The following MAP3K9 variants were observed in gnomAD, a reference collection of about 807,000 sequenced individuals.
MAP3K9 encodes the protein mitogen-activated protein kinase kinase kinase 9.
A neutral mutation model predicts 95.8 loss-of-function variants in MAP3K9; 46 were observed. That is an observed-to-expected ratio of 0.48 (90% CI 0.38 to 0.61). The LOEUF (loss-of-function observed/expected upper bound fraction) is 0.61, where lower values mean the gene tolerates loss of function less well. MAP3K9 is among the 20% of genes least tolerant of loss of function. MAP3K9 has a pLI of 0.00. For synonymous variants in MAP3K9, 533 were observed against 593.8 expected (o/e 0.90, Z 1.49); for missense variants, 1,296 against 1,474.3 (o/e 0.88, Z 1.98).
At chr14:70,763,518 C>A (rs1322977781) in intron 2 of MAP3K9, among the ~76,000 whole-genome samples, 2 of 144,974 alleles carry the variant, frequency 1.4e-5, no homozygotes, top group Non-Finnish European at 3.0e-5. Flanking sequence ...GACTATGTTA[C>A]TGGTTTATGT....
At position 70,751,896 on chromosome 14, in the gene MAP3K9, A is replaced by G. The variant is rs187879490; in HGVS notation, c.1002-1815T>C. On this transcript the variant is annotated intron_variant, in intron 3 of 11. Transcript: ENST00000554752. Reference sequence around the variant, plus strand: ...TAGACATGTTTAGGAGCATATTACTAAGGGCATACACAGAGTACATCATGG... The same window carrying G: ...TAGACATGTTTAGGAGCATATTACTGAGGGCATACACAGAGTACATCATGG... Among the ~76,000 whole-genome samples the G allele has an allele frequency of 1.3e-4, 20 of 152,282 alleles. No individual in the cohort carries two copies. In the East Asian group the frequency reaches 3.7e-3, roughly 28 times the overall value.
At chr14:70,765,599 A>G (rs1810129820) in intron 2 of MAP3K9, 5 of 499,626 alleles carry the variant, frequency 1.0e-5, no homozygotes, top group African/African-American at 2.0e-5. Context: ...ATTGTCTACA[A>G]TATTCAGTAC....
At chr14:70,761,534 G>A (rs112025070) in intron 2 of MAP3K9, among the ~76,000 whole-genome samples, 1,921 of 152,236 alleles carry the variant, frequency 0.013, 49 homozygotes, top group African/African-American at 0.043. Context: ...AGGCCGAGAC[G>A]GGTGGATCAC....
chr14:70,736,068 G>A, intron 8 of MAP3K9, 39 bp from the exon 9 acceptor site: 1 of 1,387,436 alleles, frequency 7.2e-7, no homozygotes, highest in Non-Finnish European at 1.0e-6. Flanking sequence ...GGCAATGGAG[G>A]GCACATCCAG....
intron 2 of MAP3K9, among the ~76,000 whole-genome samples, chr14:70,798,097 A>G (rs961332165): frequency 5.3e-5 from 8 of 152,230 alleles, no homozygotes; most frequent in African/African-American, 1.7e-4. Flanking sequence ...TGTCTCCTGA[A>G]TAACAGAATG....
intron 3 of MAP3K9, 47 bp downstream of exon 3, chr14:70,760,952 GCCA>G: frequency 1.9e-6 from 3 of 1,580,642 alleles, no homozygotes; most frequent in Non-Finnish European, 2.6e-6. Flanking sequence ...AAATGTGTGT[GCCA>G]CCAAGATGGA....
chr14:70,752,285 G>A (rs142068449), intron 3 of MAP3K9, among the ~76,000 whole-genome samples: 2 of 152,264 alleles, frequency 1.3e-5, no homozygotes, highest in East Asian at 3.9e-4. Context: ...TAGCCTATAG[G>A]CTCCTAAAGA....
chr14:70,806,257 T>G (rs1202340206), intron 1 of MAP3K9, among the ~76,000 whole-genome samples: 1 of 152,220 alleles, frequency 6.6e-6, no homozygotes, highest in Non-Finnish European at 1.5e-5. Context: ...ACCAAGGCAC[T>G]GCACTGAAGT....
chr14:70,731,359 G>C (rs553433610), intron 11 of MAP3K9, among the ~76,000 whole-genome samples: 2 of 152,240 alleles, frequency 1.3e-5, no homozygotes, highest in East Asian at 3.9e-4. Context: ...TGAGGCAAGA[G>C]GATCACTTGA....
intron 2 of MAP3K9, among the ~76,000 whole-genome samples, chr14:70,778,889 T>C (rs113361018): frequency 0.024 from 3,581 of 152,262 alleles, 54 homozygotes; most frequent in Middle Eastern, 0.037. Flanking sequence ...CGTCCACCCA[T>C]CTTGTTTGAA....
chr14:70,730,335 C>T lies in MAP3K9; in HGVS notation c.*45G>A, dbSNP rs2139696107. The stretch of plus-strand genomic sequence containing the variant: ...AAGGGCTGTGCCCGCCAGCTCCCCT[C>T]ATCTCCGCTGGCTGTCCCCCTTGCC... On this transcript the variant is annotated 3_prime_UTR_variant, in exon 12 of 12. Transcript: ENST00000554752. 6.4e-7 allele frequency: 1 copy of T among 1,568,362 alleles called. No individual in the cohort carries two copies. The highest frequency in any genetic ancestry group is 8.7e-7 in the Non-Finnish European group (1 of 1,152,348).
In MAP3K9 at chr14:70,800,777, A is replaced by G; in HGVS notation, c.710T>C (p.Ile237Thr). Residue 237 changes from isoleucine to threonine, a missense_variant, in exon 2 of 12, where the codon ATT (isoleucine) becomes ACT (threonine). Around this residue, in one of 5 missense-constraint regions of MAP3K9, gnomAD observed 338 missense variants for 363.4 expected, o/e 0.93. Transcript: ENST00000554752. ...PLNRVLSGKR[I>T]PPDILVNWAV... is the part of the protein sequence containing the mutation. ...CCAATTCACCAGGATGTCTGGGGGA[A>G]TCCTTTTCCCAGATAACACTCTATT... 6.2e-7 allele frequency: 1 copy of G among 1,614,120 alleles called. No individual in the cohort carries two copies.
rs1198725349 is a variant in MAP3K9, at chr14:70,729,278, TGA to T, written c.*1100_*1101del. The stretch of plus-strand genomic sequence containing the variant: ...GGCATCACAACATGGATGGCCCAGT[TGA>T]GAGTGAATTCCCAAGTCCCAATGTC... On this transcript the variant is annotated 3_prime_UTR_variant, in exon 12 of 12. Coordinates refer to ENST00000554752, the MANE Select transcript of MAP3K9 (RefSeq NM_001284230.2). 1.3e-5 allele frequency: 2 copies of T among 152,244 alleles called. No individual in the cohort carries two copies. Among genetic ancestry groups the T allele is most frequent in the Non-Finnish European group, 2.9e-5 (2 of 68,066 alleles). The allele number at this position is 152,244 out of a possible 1,614,324, so 9.4% of individuals were successfully genotyped here.
At chr14:70,740,281 T>G in intron 6 of MAP3K9, 117 bp from the exon 7 acceptor site, 1 of 1,090,798 alleles carries the variant, frequency 9.2e-7, no homozygotes, top group Non-Finnish European at 1.3e-6. Flanking sequence ...CCTGAAAAGC[T>G]CTTTGTTCAC....
At chr14:70,774,180 G>A (rs1039629346) in intron 2 of MAP3K9, among the ~76,000 whole-genome samples, 3 of 152,138 alleles carry the variant, frequency 2.0e-5, no homozygotes, top group African/African-American at 7.2e-5. Flanking sequence ...TATGTATCAG[G>A]CACTGTGCTA....
Position 70,790,701 on chromosome 14 carries a change from A to C in MAP3K9, c.820+9966T>G, listed in dbSNP as rs150403818. 1.4e-4 allele frequency among the ~76,000 whole-genome samples: 21 copies of C among 152,244 alleles called. No homozygotes were observed. The East Asian group carries it at 3.3e-3, about 24-fold the overall frequency. On this transcript the variant is annotated intron_variant, in intron 2 of 11. Transcript: ENST00000554752. ...GTTCCCTGGCCCTATGTTAATCTTT[A>C]CATTATAAGAGGAACAAAGTGTGGT...
intron 2 of MAP3K9, among the ~76,000 whole-genome samples, chr14:70,782,351 A>T (rs1436879835): frequency 3.3e-5 from 5 of 152,204 alleles, no homozygotes; most frequent in African/African-American, 1.2e-4. Context: ...TCGGTTGAGA[A>T]TCATGATCTA....
chr14:70,732,437 T>G (rs2053917690), intron 11 of MAP3K9, 102 bp downstream of exon 11: 1 of 1,452,326 alleles, frequency 6.9e-7, no homozygotes, highest in Non-Finnish European at 9.1e-7. Flanking sequence ...GGAATGGTGT[T>G]CACTCAAATC....
At chr14:70,752,478 A>G (rs2054242642) in intron 3 of MAP3K9, among the ~76,000 whole-genome samples, 1 of 152,090 alleles carries the variant, frequency 6.6e-6, no homozygotes, top group African/African-American at 2.4e-5. Flanking sequence ...CAAGAATTGC[A>G]CTATTACACT....
Sources: allele counts gnomAD v4.1 joint callset (sites outside exome capture counted in the v4.1 genomes callset), GRCh38; gene constraint gnomAD v4.1.1; regional missense constraint gnomAD v4.1.1; transcripts MANE v1.5; gene names NCBI Gene and HGNC (gene_info 2026-07-23, HGNC 2026-07-21).